The following HDAC9 variants were observed in gnomAD, a reference collection of about 807,000 sequenced individuals.
The protein encoded by HDAC9 is MEF-2 interacting transcription repressor (MITR) protein.
In HDAC9, 41 loss-of-function variants were observed where a neutral mutation model predicts 139.4. The observed-to-expected ratio is 0.29, with a 90% CI of 0.23 to 0.38. HDAC9 has a LOEUF of 0.38. Among genes scored for constraint, HDAC9 ranks in the 10% least tolerant of loss-of-function variants. The pLI, the probability that HDAC9 is intolerant of heterozygous loss-of-function variation, is 1.00. For missense variants in HDAC9, 1,147 were observed against 1,297.0 expected, an observed-to-expected ratio of 0.88 and a Z score of 1.78; for synonymous variants, 517 against 476.2, an observed-to-expected ratio of 1.09 and a Z score of -1.12.
chr7:18,086,939 C>G (rs1029968464), upstream of HDAC9: 3 of 146,162 alleles, frequency 2.1e-5, no homozygotes, highest in Non-Finnish European at 3.0e-5. Flanking sequence ...CGGCGCGTCC[C>G]GCACATCGCG....
intron 8 of HDAC9, among the ~76,000 whole-genome samples, chr7:18,637,928 A>G (rs1784406124): frequency 6.6e-6 from 1 of 152,080 alleles, no homozygotes; most frequent in African/African-American, 2.4e-5. Context: ...AAAGAAAAAA[A>G]AAATTTCTTA....
At chr7:18,924,723 T>C (rs1180337637) in intron 22 of HDAC9, among the ~76,000 whole-genome samples, 1 of 152,140 alleles carries the variant, frequency 6.6e-6, no homozygotes, top group East Asian at 1.9e-4. Context: ...ATAGTAATAT[T>C]TTCGTTGTTG....
At chr7:18,742,670 C>G (rs1787568087) in intron 13 of HDAC9, among the ~76,000 whole-genome samples, 1 of 151,838 alleles carries the variant, frequency 6.6e-6, no homozygotes, top group African/African-American at 2.4e-5. Flanking sequence ...TTTTTTCTGA[C>G]CACTGTATTT....
chr7:18,116,893 A>C (rs1423774115), intron 1 of HDAC9, among the ~76,000 whole-genome samples: 3 of 152,160 alleles, frequency 2.0e-5, no homozygotes, highest in Non-Finnish European at 4.4e-5. Context: ...GTGAGTGGGA[A>C]ATTTTTCTCA....
chr7:18,955,775 G>A (rs1467850546), intron 24 of HDAC9, among the ~76,000 whole-genome samples: 1 of 152,132 alleles, frequency 6.6e-6, no homozygotes, highest in East Asian at 1.9e-4. Context: ...GGGTGAGAGG[G>A]ACTGGATAGT....
chr7:18,763,289 AC>A (rs1254805601), intron 15 of HDAC9, among the ~76,000 whole-genome samples: 1 of 152,198 alleles, frequency 6.6e-6, no homozygotes, highest in Admixed American at 6.6e-5. Flanking sequence ...AACACAATAT[AC>A]CTTTTTAAAC....
intron 21 of HDAC9, among the ~76,000 whole-genome samples, chr7:18,871,026 G>GCA (rs1392903661): frequency 6.6e-6 from 1 of 152,040 alleles, no homozygotes; most frequent in Non-Finnish European, 1.5e-5. Context: ...TTGTTCCAAT[G>GCA]GTAATTATAT....
chr7:18,608,020 A>G (rs1584037424), intron 6 of HDAC9, among the ~76,000 whole-genome samples: 1 of 152,306 alleles, frequency 6.6e-6, no homozygotes, highest in East Asian at 1.9e-4. Context: ...CTTTAAAAGC[A>G]TTTAGCCATC....
intron 2 of HDAC9, among the ~76,000 whole-genome samples, chr7:18,257,416 C>G: frequency 6.6e-6 from 1 of 150,528 alleles, no homozygotes. Flanking sequence ...CACACACACA[C>G]ACACACACAC....
chr7:18,168,897 T>TTTTG (rs1351720169), intron 2 of HDAC9, among the ~76,000 whole-genome samples: 16 of 94,338 alleles, frequency 1.7e-4, no homozygotes, highest in African/African-American at 6.4e-4. Flanking sequence ...TTTTTTTTTT[T>TTTTG]TGTGTGTGTG....
At chr7:18,150,077 G>GTT (rs11422484) in intron 1 of HDAC9, among the ~76,000 whole-genome samples, 2,726 of 142,812 alleles carry the variant, frequency 0.019, 80 homozygotes, top group African/African-American at 0.06. Context: ...CTTTATTAGG[G>GTT]TTTTTTTTTT....
intron 3 of HDAC9, among the ~76,000 whole-genome samples, chr7:18,586,213 T>C (rs886144141): frequency 1.3e-5 from 2 of 152,068 alleles, no homozygotes; most frequent in Non-Finnish European, 2.9e-5. Context: ...TAATAACTTA[T>C]TTTATTATCT....
intron 6 of HDAC9, among the ~76,000 whole-genome samples, chr7:18,623,800 G>A (rs748115370): frequency 3.0e-4 from 45 of 152,138 alleles, no homozygotes; most frequent in Non-Finnish European, 5.3e-4. Context: ...AAATTAGCCA[G>A]GTGTGGTGGC....
intron 1 of HDAC9, among the ~76,000 whole-genome samples, chr7:18,419,961 A>G (rs1789463627): frequency 6.6e-6 from 1 of 152,222 alleles, no homozygotes; most frequent in African/African-American, 2.4e-5. Flanking sequence ...GGAGGCCTGC[A>G]CCTGCAGATT....
At chr7:18,749,759 C>A (rs1788287992) in intron 14 of HDAC9, among the ~76,000 whole-genome samples, 1 of 152,102 alleles carries the variant, frequency 6.6e-6, no homozygotes, top group South Asian at 2.1e-4. Flanking sequence ...CAGAAAGGCT[C>A]CCATCATCAA....
intron 1 of HDAC9, among the ~76,000 whole-genome samples, chr7:18,362,949 A>G (rs1435690639): frequency 3.9e-5 from 6 of 152,134 alleles, no homozygotes; most frequent in Non-Finnish European, 5.9e-5. Context: ...AACAAAAGAG[A>G]CTTATCCCAC....
chr7:18,252,261 T>C (rs753574143), intron 2 of HDAC9, among the ~76,000 whole-genome samples: 2 of 152,196 alleles, frequency 1.3e-5, no homozygotes, highest in African/African-American at 2.4e-5. Flanking sequence ...GGAGTCAATG[T>C]GGCCACTGGT....
chr7:18,329,090 T>A (rs1800697755), intron 1 of HDAC9, among the ~76,000 whole-genome samples: 1 of 151,818 alleles, frequency 6.6e-6, no homozygotes, highest in South Asian at 2.1e-4. Context: ...CTTGTTGGTA[T>A]ATAATAGTTT....
intron 1 of HDAC9, among the ~76,000 whole-genome samples, chr7:18,483,596 G>A (rs192592070): frequency 6.6e-6 from 1 of 152,288 alleles, no homozygotes; most frequent in South Asian, 2.1e-4. Flanking sequence ...GTCGCCCTAT[G>A]TTAAGAAGCT....
Sources: allele counts gnomAD v4.1 joint callset (sites outside exome capture counted in the v4.1 genomes callset), GRCh38; gene constraint gnomAD v4.1.1; transcripts MANE v1.5; gene names NCBI Gene and HGNC (gene_info 2026-07-23, HGNC 2026-07-21).